Variants in DCLRE1B observed in about 807,000 individuals in gnomAD.
DCLRE1B encodes the protein 5' exonuclease Apollo.
Under a neutral mutation model 19.8 loss-of-function variants are expected in DCLRE1B, and 6 were observed. The observed-to-expected ratio is 0.30, with a 90% confidence interval of 0.17 to 0.60. The LOEUF (loss-of-function observed/expected upper bound fraction) is 0.60, where lower values mean the gene tolerates loss of function less well. DCLRE1B is among the 20% of genes least tolerant of loss of function. The pLI, the probability that DCLRE1B is intolerant of heterozygous loss-of-function variation, is 0.87. For missense variants in DCLRE1B, 622 were observed against 654.2 expected (o/e 0.95, Z 0.54); for synonymous variants, 258 against 255.7 (o/e 1.01, Z -0.09).
rs1242835806 is a variant in DCLRE1B, at chr1:113,905,404, G to C, written c.-183G>C. 1.6e-6 allele frequency: 1 copy of C among 638,690 alleles called. No homozygotes were observed. Among genetic ancestry groups the C allele is most frequent in the African/African-American group, 1.9e-5 (1 of 53,810 alleles). The allele number at this position is 638,690 out of a possible 1,614,324, so 39.6% of individuals were successfully genotyped here. On this transcript the variant is annotated 5_prime_UTR_variant, in exon 1 of 4. Transcript: ENST00000650450. ...CCCTCCGCGATTTGGGCTCCAGCGG[G>C]CAGGGTGACTTCCTTTTTCTGCCCA... is the stretch of plus-strand genomic sequence containing the variant.
intron 1 of DCLRE1B, among the ~76,000 whole-genome samples, chr1:113,906,173 C>T (rs1668944922): frequency 6.7e-6 from 1 of 149,482 alleles, no homozygotes; most frequent in Non-Finnish European, 1.5e-5. Flanking sequence ...TCTCCTGTCT[C>T]GGCCTCCTGA....
chr1:113,906,342 G>A (rs1668962705), intron 1 of DCLRE1B, among the ~76,000 whole-genome samples: 2 of 151,978 alleles, frequency 1.3e-5, no homozygotes, highest in South Asian at 2.1e-4. Flanking sequence ...ACAAGCGTGA[G>A]CCACCACGCC....
At chr1:113,908,302 C>T in intron 3 of DCLRE1B, 111 bp downstream of exon 3, 1 of 1,403,376 alleles carries the variant, frequency 7.1e-7, no homozygotes, top group Non-Finnish European at 9.6e-7. Context: ...CCTACACTGA[C>T]CACCTTATTT....
At position 113,908,049 on chromosome 1, in the gene DCLRE1B, C is replaced by G. The variant is rs771687672; in HGVS notation, c.396C>G (p.Ala132=). The change falls in exon 3 of 4, where the codon GCC becomes GCG. Residue 132 remains alanine, a synonymous_variant. Transcript: ENST00000650450. ...RYTPSMLKEP[A]LTLGKQIHTL... ...CACCATCCATGCTAAAGGAGCCAGC[C>G]CTGACACTGGGGAAACAGATCCATA... 4.3e-6 allele frequency: 7 copies of G among 1,614,128 alleles called. No homozygotes were observed. The South Asian group carries it at 5.5e-5, about 13-fold the overall frequency.
rs1449684271 is a variant in DCLRE1B at position 113,908,016 on chromosome 1, T to A, written c.363T>A (p.Phe121Leu). 1 of 1,613,468 alleles carries A rather than the reference T, an allele frequency of 6.2e-7. No homozygotes were observed. Among genetic ancestry groups the A allele is most frequent in the East Asian group, 2.2e-5 (1 of 44,882 alleles). Residue 121 changes from phenylalanine to leucine, a missense_variant, in exon 3 of 4, where the codon TTT becomes TTA. Phe to Leu is a conservative substitution (Grantham distance 22). Coordinates refer to ENST00000650450, the MANE Select transcript of DCLRE1B (RefSeq NM_022836.4). ...YFGTILYTGD[F>L]RYTPSMLKEP... Reference sequence around the variant, plus strand: ...ATGTACATATTCCTCCAGGTGATTTTCGATACACACCATCCATGCTAAAGG... The same window carrying A: ...ATGTACATATTCCTCCAGGTGATTTACGATACACACCATCCATGCTAAAGG...
In DCLRE1B at chr1:113,913,743, A is replaced by G. The variant is rs577064032; in HGVS notation, c.*1552A>G. ...TGGTTCTTGAAAGAAATTAATCTGT[A>G]TATAACATAAGAAACTTTGAAAGTC... On this transcript the variant is annotated 3_prime_UTR_variant, in exon 4 of 4. Transcript: ENST00000650450. 9 of 152,022 alleles carry G rather than the reference A, an allele frequency of 5.9e-5. No homozygotes were observed. Among genetic ancestry groups the G allele is most frequent in the Non-Finnish European group, 8.8e-5 (6 of 67,958 alleles). The allele number at this position is 152,022 out of a possible 1,614,324, so 9.4% of individuals were successfully genotyped here.
intron 3 of DCLRE1B, among the ~76,000 whole-genome samples, chr1:113,908,803 GCACA>G (rs35433996): frequency 6.7e-4 from 101 of 150,826 alleles, no homozygotes; most frequent in Non-Finnish European, 1.3e-3. Context: ...ACATACGCGT[GCACA>G]CACACACACA....
chr1:113,910,554 G>A (rs1669215880), intron 3 of DCLRE1B, among the ~76,000 whole-genome samples: 1 of 151,902 alleles, frequency 6.6e-6, no homozygotes, highest in Non-Finnish European at 1.5e-5. Context: ...CAGGCTGGAG[G>A]GTAGTGGCAT....
intron 3 of DCLRE1B, among the ~76,000 whole-genome samples, chr1:113,908,940 A>AGG (rs1232259488): frequency 6.6e-6 from 1 of 152,230 alleles, no homozygotes; most frequent in African/African-American, 2.4e-5. Flanking sequence ...AAAAGGCAAG[A>AGG]GGGGCTGAAG....
chr1:113,904,669 G>A (rs748774784), upstream of DCLRE1B: 86 of 1,613,030 alleles, frequency 5.3e-5, no homozygotes, highest in Non-Finnish European at 5.9e-5. Context: ...GGATTGCACA[G>A]AGCCTTCTTC....
rs1159463066 is a variant in DCLRE1B, at chr1:113,907,240, A to G, written c.355+79A>G. 11 of 938,276 alleles carry G rather than the reference A, an allele frequency of 1.2e-5. No homozygotes were observed. In the South Asian group the frequency reaches 1.4e-4, roughly 12 times the overall value. 58.1% of individuals were successfully genotyped at this position (938,276 alleles called of 1,614,324 possible). A position where few individuals can be genotyped will look rare whatever the true frequency, so the allele number is the denominator to read the frequency against. On this transcript the variant is annotated intron_variant, in intron 2 of 3. Coordinates refer to ENST00000650450, the MANE Select transcript of DCLRE1B (RefSeq NM_022836.4). ...TTTTTTTTTTTTTTTTTTTTAATGTATAGACTGGGGCCTCGCAGTGTTGCC... is the reference window on the plus strand; with the variant it reads ...TTTTTTTTTTTTTTTTTTTTAATGTGTAGACTGGGGCCTCGCAGTGTTGCC...
In DCLRE1B at chr1:113,905,789, G is replaced by A. The variant is rs1486155397; in HGVS notation, c.189+14G>A. On this transcript the variant is annotated intron_variant, in intron 1 of 3. Transcript: ENST00000650450. ...CGTCACCTACAGGTATGGGGCTGGA[G>A]TCGGTCTCCGAGAGCTGGTCCAGGC... 6.2e-7 allele frequency: 1 copy of A among 1,603,280 alleles called. No homozygotes were observed. The highest frequency in any genetic ancestry group is 1.3e-5 in the African/African-American group (1 of 74,744).
chr1:113,911,729 T>A lies in DCLRE1B; in HGVS notation c.1137T>A (p.Ser379=), dbSNP rs183344879. The A allele has an allele frequency of 2.6e-5, 42 of 1,614,154 alleles. 1 individual carries two copies. In the African/African-American group the frequency reaches 5.3e-4, roughly 20 times the overall value. The change falls in exon 4 of 4, where the codon TCT becomes TCA. Residue 379 remains serine, a synonymous_variant. Coordinates refer to ENST00000650450, the MANE Select transcript of DCLRE1B (RefSeq NM_022836.4). ...DSKKAKKEKL[S]PWPADLEKQP... Reference sequence around the variant, plus strand: ...AGAAGGCCAAGAAAGAGAAACTTTCTCCCTGGCCTGCGGACCTTGAAAAGC... The same window carrying A: ...AGAAGGCCAAGAAAGAGAAACTTTCACCCTGGCCTGCGGACCTTGAAAAGC...
rs1297557881 is a variant in DCLRE1B at position 113,907,218 on chromosome 1, T to G, written c.355+57T>G. On this transcript the variant is annotated intron_variant, in intron 2 of 3. Coordinates refer to ENST00000650450, the MANE Select transcript of DCLRE1B (RefSeq NM_022836.4). ...CCAGACTAGATGTTTTTTTTTTTTT[T>G]TTTTTTTTTTTTTTTTAATGTATAG... The G allele has an allele frequency of 6.4e-5, 79 of 1,228,932 alleles. 2 individuals carry two copies. The highest frequency in any genetic ancestry group is 5.1e-4 in the African/African-American group (27 of 53,298). The allele number at this position is 1,228,932 out of a possible 1,614,324, so 76.1% of individuals were successfully genotyped here.
chr1:113,907,200 AGATG>A, intron 2 of DCLRE1B, 39 bp downstream of exon 2: 11 of 314,542 alleles, frequency 3.5e-5, no homozygotes, highest in African/African-American at 9.0e-5. Context: ...TCTCCAGACT[AGATG>A]TTTTTTTTTT....
At position 113,913,749 on chromosome 1, in the gene DCLRE1B, CAT is replaced by C. The variant is rs1428155353; in HGVS notation, c.*1560_*1561del. 2.0e-5 allele frequency: 3 copies of C among 150,818 alleles called. No individual in the cohort carries two copies. The highest frequency in any genetic ancestry group is 1.3e-4 in the Admixed American group (2 of 15,102). 9.3% of individuals were successfully genotyped at this position (150,818 alleles called of 1,614,324 possible). On this transcript the variant is annotated 3_prime_UTR_variant, in exon 4 of 4. Coordinates refer to ENST00000650450, the MANE Select transcript of DCLRE1B (RefSeq NM_022836.4). ...TTGAAAGAAATTAATCTGTATATAACATAAGAAACTTTGAAAGTCAAAAAAAC... is the reference window on the plus strand; with the variant it reads ...TTGAAAGAAATTAATCTGTATATAACAAGAAACTTTGAAAGTCAAAAAAAC...
chr1:113,908,255 T>G, intron 3 of DCLRE1B, 64 bp downstream of exon 3: 1 of 1,553,446 alleles, frequency 6.4e-7, no homozygotes, highest in South Asian at 1.2e-5. Context: ...TTAAGGATTC[T>G]CACATCTTTC....
At chr1:113,904,989 T>C (rs189306022), upstream of DCLRE1B, 3,548 of 458,258 alleles carry the variant, frequency 7.7e-3, 47 homozygotes, top group Non-Finnish European at 7.6e-3. Flanking sequence ...CTCCCGCTAC[T>C]TCTAGGTCCT....
rs767384961 is a variant in DCLRE1B, at chr1:113,905,645, G to A, written c.59G>A (p.Arg20Gln). 9.9e-6 allele frequency: 16 copies of A among 1,614,160 alleles called. No homozygotes were observed. The highest frequency in any genetic ancestry group is 1.6e-4 in the Middle Eastern group (1 of 6,062). Residue 20 changes from arginine (R) to glutamine (Q), a missense_variant, in exon 1 of 4, where the codon CGG becomes CAG. Transcript: ENST00000650450. ...GCAGTGGACTTCTGGAGCCTGCGCCGGGCTGGCACCGCACGTCTCTTCTTC... is the reference window on the plus strand; with the variant it reads ...GCAGTGGACTTCTGGAGCCTGCGCCAGGCTGGCACCGCACGTCTCTTCTTC... The part of the protein sequence containing the change: ...PIAVDFWSLR[R>Q]AGTARLFFLS...
Sources: allele counts gnomAD v4.1 joint callset (sites outside exome capture counted in the v4.1 genomes callset), GRCh38; gene constraint gnomAD v4.1.1; transcripts MANE v1.5; gene names NCBI Gene and HGNC (gene_info 2026-07-23, HGNC 2026-07-21).